Variants in B3GALT1 observed in about 807,000 individuals in gnomAD.
The protein encoded by B3GALT1 is beta-1,3-galactosyltransferase 1, also known as UDP-Gal:betaGlcNAc beta 1,3-galactosyltransferase, polypeptide 1.
Under a neutral mutation model 23.2 loss-of-function variants are expected in B3GALT1, and 10 were observed. That is an observed-to-expected ratio of 0.43 (90% CI 0.27 to 0.73). The LOEUF (loss-of-function observed/expected upper bound fraction) is 0.73. Among genes scored for constraint, B3GALT1 ranks in the 30% least tolerant of loss-of-function variants. The pLI is 0.21. For missense variants in B3GALT1, 299 were observed against 405.4 expected (o/e 0.74, Z 2.25); for synonymous variants, 156 against 141.5 (o/e 1.10, Z -0.73).
At chr2:167,795,132 A>G (rs1688523647) in intron 3 of B3GALT1, among the ~76,000 whole-genome samples, 1 of 152,148 alleles carries the variant, frequency 6.6e-6, no homozygotes, top group Non-Finnish European at 1.5e-5. Context: ...TCTACTACCA[A>G]ACTCAGCTGC....
At chr2:167,723,625 T>A (rs573415068) in intron 3 of B3GALT1, among the ~76,000 whole-genome samples, 33 of 152,082 alleles carry the variant, frequency 2.2e-4, no homozygotes, top group African/African-American at 7.7e-4. Context: ...CTGCCTCTTG[T>A]GTTCAAGCAA....
At chr2:167,720,414 T>A (rs1385603370) in intron 3 of B3GALT1, among the ~76,000 whole-genome samples, 1 of 152,166 alleles carries the variant, frequency 6.6e-6, no homozygotes, top group Non-Finnish European at 1.5e-5. Context: ...CACTGGAAAT[T>A]GTTCCCAGTT....
At chr2:167,860,833 C>A (rs964249481) in intron 4 of B3GALT1, among the ~76,000 whole-genome samples, 6 of 151,538 alleles carry the variant, frequency 4.0e-5, no homozygotes, top group Non-Finnish European at 8.8e-5. Flanking sequence ...ATATTCTTCA[C>A]CTGGTCTTAG....
chr2:167,494,653 T>G (rs1408648250), intron 2 of B3GALT1, among the ~76,000 whole-genome samples: 2 of 152,200 alleles, frequency 1.3e-5, no homozygotes. Flanking sequence ...ATGTTAGGTT[T>G]TAAAATCTAG....
chr2:167,568,071 C>A (rs1258011419), intron 2 of B3GALT1, among the ~76,000 whole-genome samples: 3 of 152,050 alleles, frequency 2.0e-5, no homozygotes. Context: ...TAGTTCATTT[C>A]TTTGTAGCAC....
intron 3 of B3GALT1, among the ~76,000 whole-genome samples, chr2:167,765,260 G>C (rs776467335): frequency 3.9e-5 from 6 of 152,108 alleles, no homozygotes; most frequent in Non-Finnish European, 1.5e-5. Context: ...TATATGGATG[G>C]ATGGAAGCTC....
intron 1 of B3GALT1, among the ~76,000 whole-genome samples, chr2:167,420,548 G>A (rs187129950): frequency 2.0e-4 from 31 of 152,264 alleles, no homozygotes; most frequent in African/African-American, 7.5e-4. Flanking sequence ...CATTACACAT[G>A]GGGCTAACCT....
chr2:167,704,123 A>G (rs529404661), intron 3 of B3GALT1, among the ~76,000 whole-genome samples: 184 of 147,136 alleles, frequency 1.3e-3, no homozygotes, highest in East Asian at 2.1e-3. Flanking sequence ...GGAGCTTGCA[A>G]TGAGCCGAGA....
Position 167,652,156 on chromosome 2 carries a change from C to G in B3GALT1, c.-352+5190C>G, listed in dbSNP as rs138405177. Among the ~76,000 whole-genome samples the G allele has an allele frequency of 1.4e-3, 211 of 152,302 alleles. 1 individual carries two copies. The highest frequency in any genetic ancestry group is 4.4e-3 in the African/African-American group (182 of 41,564). On this transcript the variant is annotated intron_variant, in intron 3 of 4. Coordinates refer to ENST00000392690, the MANE Select transcript of B3GALT1 (RefSeq NM_020981.4). ...TGACAGAGGCTGTACCCAGCACAAT[C>G]TCAACAGCCAAGAGTGAGATAATCT...
intron 3 of B3GALT1, among the ~76,000 whole-genome samples, chr2:167,766,114 C>T (rs1163868152): frequency 1.3e-5 from 2 of 152,100 alleles, no homozygotes; most frequent in African/African-American, 4.8e-5. Context: ...AAGATTTTTC[C>T]AACTACTTGG....
intron 1 of B3GALT1, among the ~76,000 whole-genome samples, chr2:167,304,328 G>C (rs1696512797): frequency 6.6e-6 from 1 of 152,114 alleles, no homozygotes; most frequent in African/African-American, 2.4e-5. Context: ...ATATTTGAAA[G>C]TATCATGTAC....
At chr2:167,595,225 AAAG>A (rs1684755531) in intron 2 of B3GALT1, among the ~76,000 whole-genome samples, 1 of 152,092 alleles carries the variant, frequency 6.6e-6, no homozygotes, top group African/African-American at 2.4e-5. Flanking sequence ...AATGACAAGG[AAAG>A]AAGGTCAACA....
intron 1 of B3GALT1, among the ~76,000 whole-genome samples, chr2:167,470,686 T>C (rs2105330718): frequency 6.6e-6 from 1 of 152,312 alleles, no homozygotes; most frequent in Admixed American, 6.5e-5. Context: ...CTGCATAGTA[T>C]GCTCATGATC....
Position 167,869,266 on chromosome 2 carries a change from A to G in B3GALT1, c.227A>G (p.Asn76Ser), listed in dbSNP as rs145466790. The change falls in exon 5 of 5, where the codon AAC (asparagine) becomes AGC (serine). Residue 76 changes from asparagine to serine, a missense_variant. Coordinates refer to ENST00000392690, the MANE Select transcript of B3GALT1 (RefSeq NM_020981.4). The surrounding 1 kb of genome is among the most constrained non-coding windows in gnomAD (Gnocchi z 6.4). ...LINEPNKCEKNIPFLVILIST... is the reference protein window; with the variant it reads ...LINEPNKCEKSIPFLVILIST... Reference sequence around the variant, plus strand: ...AACGAGCCCAATAAATGTGAGAAAAACATTCCTTTTCTTGTTATCCTCATC... The same window carrying G: ...AACGAGCCCAATAAATGTGAGAAAAGCATTCCTTTTCTTGTTATCCTCATC... 45 of 1,614,050 alleles carry G rather than the reference A, an allele frequency of 2.8e-5. No individual in the cohort carries two copies. The highest frequency in any genetic ancestry group is 3.6e-5 in the Non-Finnish European group (43 of 1,180,034).
intron 2 of B3GALT1, among the ~76,000 whole-genome samples, chr2:167,569,908 A>G (rs982626628): frequency 1.3e-5 from 2 of 151,844 alleles, no homozygotes; most frequent in East Asian, 3.8e-4. Flanking sequence ...ATTGATGTGT[A>G]TTATGTCTAT....
chr2:167,486,236 G>A (rs1201800184), intron 1 of B3GALT1, among the ~76,000 whole-genome samples: 1 of 151,258 alleles, frequency 6.6e-6, no homozygotes, highest in Non-Finnish European at 1.5e-5. Context: ...GCGCATGCCT[G>A]TAGTCCCAGC....
intron 4 of B3GALT1, among the ~76,000 whole-genome samples, chr2:167,867,198 T>C (rs539549065): frequency 3.9e-5 from 6 of 152,330 alleles, no homozygotes; most frequent in African/African-American, 1.4e-4. Context: ...AGTGCTGGGA[T>C]TACAGGCGTG....
chr2:167,833,947 G>A (rs568670074), intron 4 of B3GALT1, among the ~76,000 whole-genome samples: 9 of 152,082 alleles, frequency 5.9e-5, no homozygotes, highest in African/African-American at 1.2e-4. Context: ...GAAATTTGAG[G>A]TGTAAGGATA....
At chr2:167,603,229 CCTCTA>C (rs1263600518) in intron 2 of B3GALT1, among the ~76,000 whole-genome samples, 1 of 152,124 alleles carries the variant, frequency 6.6e-6, no homozygotes, top group Non-Finnish European at 1.5e-5. Flanking sequence ...AGCTTTTCCA[CCTCTA>C]CTCACAACTT....
Sources: gnomAD v4.1 joint callset for allele counts (sites outside exome capture counted in the v4.1 genomes callset) on GRCh38, gnomAD v4.1.1 for gene constraint, Gnocchi (gnomAD v3.1) non-coding constraint, MANE v1.5 for transcripts, NCBI Gene and HGNC (gene_info 2026-07-23, HGNC 2026-07-21) for gene names.